NCAM2: variants seen among roughly 807,000 people sequenced by gnomAD.
NCAM2 encodes neural cell adhesion molecule 2.
Under a neutral mutation model 98.1 loss-of-function variants are expected in NCAM2, and 30 were observed. The observed-to-expected ratio is 0.31, with a 90% CI of 0.23 to 0.41. NCAM2 has a LOEUF of 0.41. Among genes scored for constraint, NCAM2 ranks in the 10% least tolerant of loss-of-function variants. NCAM2 has a pLI of 1.00. For synonymous variants in NCAM2, 368 were observed against 342.4 expected (o/e 1.07, Z -0.83); for missense variants, 867 against 1,005.8 (o/e 0.86, Z 1.87).
intron 15 of NCAM2, among the ~76,000 whole-genome samples, chr21:21,505,543 G>A (rs1243484449): frequency 6.6e-6 from 1 of 151,650 alleles, no homozygotes; most frequent in Non-Finnish European, 1.5e-5. Flanking sequence ...TGCTAAAAAG[G>A]TCACAGGATG....
intron 6 of NCAM2, among the ~76,000 whole-genome samples, chr21:21,328,606 ACTT>A (rs1229652645): frequency 6.6e-6 from 1 of 151,438 alleles, no homozygotes; most frequent in Non-Finnish European, 1.5e-5. Flanking sequence ...AGTGATAAAA[ACTT>A]AAACAAGAAA....
chr21:21,297,671 C>T (rs1020587091), intron 5 of NCAM2, among the ~76,000 whole-genome samples: 3 of 151,432 alleles, frequency 2.0e-5, no homozygotes, highest in African/African-American at 7.3e-5. Context: ...TTACTTTAAC[C>T]CACATATATT....
intron 1 of NCAM2, among the ~76,000 whole-genome samples, chr21:21,087,403 C>T (rs970537633): frequency 1.3e-4 from 20 of 152,094 alleles, no homozygotes; most frequent in Admixed American, 1.3e-3. Flanking sequence ...GTTGTGTCCT[C>T]ATCTACTGTC....
At chr21:21,495,393 TAGGAGAGA>T (rs1487111617) in intron 15 of NCAM2, among the ~76,000 whole-genome samples, 3 of 151,992 alleles carry the variant, frequency 2.0e-5, no homozygotes, top group Non-Finnish European at 2.9e-5. Flanking sequence ...GGGCATGGAA[TAGGAGAGA>T]AGGAGAGAGG....
At position 21,486,326 on chromosome 21, in the gene NCAM2, A is replaced by AAAC. The variant is rs1416762770; in HGVS notation, c.2077+8856_2077+8858dup. On this transcript the variant is annotated intron_variant, in intron 15 of 17. Transcript: ENST00000400546. ...CTCAAAAAAAAAAAAAAAAAAAAAAAAACTTCTGCTTCCCTCCTTTCTCCC... is the reference window on the plus strand; with the variant it reads ...CTCAAAAAAAAAAAAAAAAAAAAAAAAACAACTTCTGCTTCCCTCCTTTCTCCC... Among the ~76,000 whole-genome samples the AAAC allele has an allele frequency of 9.9e-4, 149 of 151,058 alleles. 1 individual carries two copies. The highest frequency in any genetic ancestry group is 1.9e-3 in the Non-Finnish European group (130 of 67,592).
intron 12 of NCAM2, among the ~76,000 whole-genome samples, chr21:21,463,533 A>G (rs1983273548): frequency 6.6e-6 from 1 of 152,066 alleles, no homozygotes; most frequent in Non-Finnish European, 1.5e-5. Context: ...TTCAGTTTTC[A>G]TGTTTTAGCC....
At chr21:21,007,928 G>A (rs987242111) in intron 1 of NCAM2, among the ~76,000 whole-genome samples, 1 of 152,124 alleles carries the variant, frequency 6.6e-6, no homozygotes, top group Non-Finnish European at 1.5e-5. Context: ...AGACGCCTCT[G>A]ACGTTTCTAA....
chr21:21,461,427 C>G (rs891468788), intron 12 of NCAM2, among the ~76,000 whole-genome samples: 1 of 151,706 alleles, frequency 6.6e-6, no homozygotes, highest in Non-Finnish European at 1.5e-5. Flanking sequence ...ATAACTTATA[C>G]TCATGATGGA....
intron 1 of NCAM2, among the ~76,000 whole-genome samples, chr21:21,110,957 G>A (rs2066442442): frequency 6.6e-6 from 1 of 151,872 alleles, no homozygotes; most frequent in African/African-American, 2.4e-5. Context: ...TTGAATAAGG[G>A]GATACATTAA....
chr21:21,324,270 A>G (rs2074453088), intron 5 of NCAM2, 113 bp from the exon 6 acceptor site: 2 of 666,590 alleles, frequency 3.0e-6, no homozygotes, highest in Non-Finnish European at 5.1e-6. Flanking sequence ...CATTAATATA[A>G]ATGGAGATGT....
intron 6 of NCAM2, among the ~76,000 whole-genome samples, chr21:21,333,335 A>G (rs2074767126): frequency 6.6e-6 from 1 of 152,194 alleles, no homozygotes; most frequent in Non-Finnish European, 1.5e-5. Flanking sequence ...AGGCCAAATC[A>G]AGGATTTTTA....
chr21:21,072,508 T>G (rs1184327426), intron 1 of NCAM2, among the ~76,000 whole-genome samples: 1 of 152,176 alleles, frequency 6.6e-6, no homozygotes, highest in African/African-American at 2.4e-5. Context: ...TCAGTGGCAT[T>G]GTATGACAAT....
chr21:21,074,147 C>G (rs2065629512), intron 1 of NCAM2, among the ~76,000 whole-genome samples: 1 of 151,946 alleles, frequency 6.6e-6, no homozygotes, highest in Non-Finnish European at 1.5e-5. Context: ...TTTAATATCC[C>G]TTTAGAAAAA....
chr21:21,305,134 A>G (rs1236816382), intron 5 of NCAM2, among the ~76,000 whole-genome samples: 1 of 152,076 alleles, frequency 6.6e-6, no homozygotes, highest in Non-Finnish European at 1.5e-5. Flanking sequence ...CCTGGTCAAC[A>G]TGGTGTAATC....
At chr21:21,230,281 T>C (rs2070567943) in intron 1 of NCAM2, among the ~76,000 whole-genome samples, 2 of 151,292 alleles carry the variant, frequency 1.3e-5, no homozygotes, top group African/African-American at 4.8e-5. Flanking sequence ...CATATTCTTC[T>C]TTTAAGTTTT....
At chr21:21,014,514 A>G (rs765090343) in intron 1 of NCAM2, among the ~76,000 whole-genome samples, 2 of 152,174 alleles carry the variant, frequency 1.3e-5, no homozygotes, top group African/African-American at 2.4e-5. Context: ...TCTGTTTACA[A>G]CATGATTTAC....
At chr21:21,444,727 C>A (rs942860763) in intron 12 of NCAM2, among the ~76,000 whole-genome samples, 8 of 151,974 alleles carry the variant, frequency 5.3e-5, no homozygotes, top group Non-Finnish European at 1.2e-4. Context: ...TCTCTCTTTT[C>A]TTCTTTATTA....
At chr21:21,319,832 A>G (rs534973747) in intron 5 of NCAM2, among the ~76,000 whole-genome samples, 1 of 152,348 alleles carries the variant, frequency 6.6e-6, no homozygotes, top group East Asian at 1.9e-4. Context: ...TGAAAATGCA[A>G]CAAAGCATCA....
chr21:21,493,552 T>G (rs746209446), intron 15 of NCAM2, among the ~76,000 whole-genome samples: 1 of 151,970 alleles, frequency 6.6e-6, no homozygotes, highest in Non-Finnish European at 1.5e-5. Flanking sequence ...TGGCACATTG[T>G]AATCACCCAA....
Sources: gnomAD v4.1 joint callset for allele counts (sites outside exome capture counted in the v4.1 genomes callset) on GRCh38, gnomAD v4.1.1 for gene constraint, MANE v1.5 for transcripts, NCBI Gene and HGNC (gene_info 2026-07-23, HGNC 2026-07-21) for gene names.